The following SNX29 variants were observed in gnomAD, a reference collection of about 807,000 sequenced individuals.
SNX29 encodes the protein sorting nexin 29, also known as sorting nexin-29.
In SNX29, 78 loss-of-function variants were observed where a neutral mutation model predicts 102.1. The observed-to-expected ratio is 0.76, with a 90% CI of 0.64 to 0.92. The LOEUF (loss-of-function observed/expected upper bound fraction) is 0.92. Ranked by LOEUF, SNX29 falls within the 40% of genes least tolerant of loss-of-function variation. The pLI, the probability that SNX29 is intolerant of heterozygous loss-of-function variation, is 0.00. For missense variants in SNX29, 1,280 were observed against 1,061.7 expected (o/e 1.21, Z -2.86); for synonymous variants, 580 against 414.5 (o/e 1.40, Z -4.85).
At chr16:12,177,747 A>G (rs569033968) in intron 13 of SNX29, among the ~76,000 whole-genome samples, 4 of 152,302 alleles carry the variant, frequency 2.6e-5, no homozygotes, top group South Asian at 4.1e-4. Flanking sequence ...TGAATTCTGT[A>G]TCTGGTGCTT....
intron 14 of SNX29, among the ~76,000 whole-genome samples, chr16:12,254,899 G>T (rs1250633725): frequency 6.6e-6 from 1 of 152,184 alleles, no homozygotes; most frequent in South Asian, 2.1e-4. Flanking sequence ...GTAGGAGAGG[G>T]GCTGGAGAGG....
chr16:12,242,148 G>C (rs1236809256), intron 14 of SNX29, among the ~76,000 whole-genome samples: 1 of 152,070 alleles, frequency 6.6e-6, no homozygotes, highest in Non-Finnish European at 1.5e-5. Flanking sequence ...CTCTTTCCCA[G>C]AAGTTGGGTG....
chr16:12,154,690 ATC>A (rs1167495767), intron 13 of SNX29, among the ~76,000 whole-genome samples: 1 of 152,044 alleles, frequency 6.6e-6, no homozygotes, highest in African/African-American at 2.4e-5. Flanking sequence ...CAACAAATAG[ATC>A]TCTCATGGTT....
At chr16:12,324,411 G>A (rs898860256) in intron 15 of SNX29, among the ~76,000 whole-genome samples, 5 of 151,960 alleles carry the variant, frequency 3.3e-5, no homozygotes, top group Non-Finnish European at 7.4e-5. Flanking sequence ...AAATGCTCTT[G>A]GCATTTCAGT....
chr16:12,363,649 A>G (rs1213928469), intron 16 of SNX29, among the ~76,000 whole-genome samples: 4 of 152,234 alleles, frequency 2.6e-5, no homozygotes, highest in Admixed American at 1.3e-4. Flanking sequence ...TGTTTGCTAC[A>G]TGATGACTTC....
chr16:12,091,581 C>T (rs2052545543), intron 11 of SNX29, among the ~76,000 whole-genome samples: 1 of 151,850 alleles, frequency 6.6e-6, no homozygotes, highest in African/African-American at 2.4e-5. Context: ...GATCCCAGAA[C>T]TCGAGACCAG....
chr16:12,291,765 G>A (rs2079803548), intron 15 of SNX29, among the ~76,000 whole-genome samples: 1 of 152,206 alleles, frequency 6.6e-6, no homozygotes, highest in Admixed American at 6.5e-5. Flanking sequence ...GGGAGATTGG[G>A]GAGAGGGATG....
At chr16:12,094,519 T>A (rs2052689904) in intron 11 of SNX29, among the ~76,000 whole-genome samples, 1 of 152,132 alleles carries the variant, frequency 6.6e-6, no homozygotes, top group Admixed American at 6.5e-5. Context: ...TCCCTCTGGT[T>A]AAGAGGACAT....
intron 4 of SNX29, among the ~76,000 whole-genome samples, chr16:12,028,073 G>A (rs1170842609): frequency 6.6e-6 from 1 of 152,210 alleles, no homozygotes; most frequent in Non-Finnish European, 1.5e-5. Context: ...ATCATGTCAT[G>A]TAACAAATGT....
chr16:12,498,124 T>G lies in SNX29; in HGVS notation c.2178+20265T>G, dbSNP rs570991062. On this transcript the variant is annotated intron_variant, in intron 19 of 20. Transcript: ENST00000566228. ...TTGAGTCTTGAGGGATAAGCAGCAT[T>G]CAGCTATTGAAGCAGATAGACGAAT... Among the ~76,000 whole-genome samples, 6 of 152,206 alleles carry G rather than the reference T, an allele frequency of 3.9e-5. No homozygotes were observed. The South Asian group carries it at 1.0e-3, about 26-fold the overall frequency.
chr16:12,468,046 C>G (rs1003373282), intron 18 of SNX29, among the ~76,000 whole-genome samples: 1 of 152,104 alleles, frequency 6.6e-6, no homozygotes, highest in Admixed American at 6.6e-5. Flanking sequence ...CTCGTCCTCC[C>G]TGCCCCAGCT....
At chr16:12,213,727 C>G (rs1404772711) in intron 14 of SNX29, among the ~76,000 whole-genome samples, 1 of 152,188 alleles carries the variant, frequency 6.6e-6, no homozygotes, top group Admixed American at 6.5e-5. Context: ...ATCCATTACC[C>G]TGACAAAACA....
intron 3 of SNX29, among the ~76,000 whole-genome samples, chr16:12,019,737 A>G (rs1047849787): frequency 4.0e-5 from 6 of 151,082 alleles, no homozygotes; most frequent in South Asian, 2.1e-4. Flanking sequence ...CCCGGGTTCA[A>G]GCGATTCTCT....
chr16:12,281,819 C>T (rs964280143), intron 15 of SNX29, among the ~76,000 whole-genome samples: 2 of 152,020 alleles, frequency 1.3e-5, no homozygotes, highest in African/African-American at 4.8e-5. Flanking sequence ...ACCTGTAATC[C>T]CAGCACTTTG....
chr16:12,481,335 T>C (rs1205257024), intron 19 of SNX29, among the ~76,000 whole-genome samples: 1 of 151,942 alleles, frequency 6.6e-6, no homozygotes, highest in Non-Finnish European at 1.5e-5. Context: ...CTTTTAACTT[T>C]TAATTAACTT....
chr16:12,285,454 G>C (rs886475342), intron 15 of SNX29, among the ~76,000 whole-genome samples: 1 of 152,132 alleles, frequency 6.6e-6, no homozygotes, highest in Non-Finnish European at 1.5e-5. Context: ...TTTTTCTTGT[G>C]GGTAAAATAA....
intron 2 of SNX29, among the ~76,000 whole-genome samples, chr16:11,999,904 A>T (rs1167622389): frequency 7.3e-6 from 1 of 137,476 alleles, no homozygotes; most frequent in Non-Finnish European, 1.6e-5. Flanking sequence ...TTGTGTCATT[A>T]AAAAAAAAAA....
At chr16:12,219,167 T>A (rs1454452953) in intron 14 of SNX29, among the ~76,000 whole-genome samples, 1 of 152,210 alleles carries the variant, frequency 6.6e-6, no homozygotes, top group Non-Finnish European at 1.5e-5. Context: ...TCAGAAGTGC[T>A]GTTGCTGATT....
At chr16:12,531,638 A>C (rs2076935109) in intron 20 of SNX29, among the ~76,000 whole-genome samples, 1 of 152,164 alleles carries the variant, frequency 6.6e-6, no homozygotes, top group African/African-American at 2.4e-5. Flanking sequence ...GGGCAATGGA[A>C]GGGGAGCAGC....
Sources: gnomAD v4.1 joint callset for allele counts (sites outside exome capture counted in the v4.1 genomes callset) on GRCh38, gnomAD v4.1.1 for gene constraint, MANE v1.5 for transcripts, NCBI Gene and HGNC (gene_info 2026-07-23, HGNC 2026-07-21) for gene names.